FAM234A: variants seen among roughly 807,000 people sequenced by gnomAD.
FAM234A encodes family with sequence similarity 234 member A.
FAM234A carries 42 observed loss-of-function variants against 49.1 expected under a neutral mutation model. The ratio of observed to expected loss-of-function variants is 0.86; its 90% CI spans 0.67 to 1.11. The LOEUF is 1.11. Among genes scored for constraint, FAM234A ranks in the 50% least tolerant of loss-of-function variants. FAM234A has a pLI of 0.00. For missense variants in FAM234A, 815 were observed against 745.2 expected, an observed-to-expected ratio of 1.09 and a Z score of -1.09; for synonymous variants, 369 against 316.2, an observed-to-expected ratio of 1.17 and a Z score of -1.77.
At chr16:257,851 CT>C (rs962470096) in intron 3 of FAM234A, among the ~76,000 whole-genome samples, 15 of 148,116 alleles carry the variant, frequency 1.0e-4, no homozygotes, top group Admixed American at 1.4e-4. Flanking sequence ...CAACTTTATT[CT>C]TTTTTTTTTG....
At chr16:259,741 C>G in intron 4 of FAM234A, 142 bp downstream of exon 4, 1 of 739,224 alleles carries the variant, frequency 1.4e-6, no homozygotes, top group Non-Finnish European at 2.3e-6. Context: ...CCTGGCAGAC[C>G]AGAAAGAGGC....
downstream of FAM234A, among the ~76,000 whole-genome samples, chr16:267,136 T>A (rs142068820): frequency 5.5e-3 from 841 of 151,988 alleles, 8 homozygotes; most frequent in African/African-American, 0.019. Context: ...CCCTAGAGAG[T>A]CTGGGCCATG....
chr16:260,728 A>G (rs1312701408), intron 5 of FAM234A: 2 of 446,626 alleles, frequency 4.5e-6, no homozygotes, highest in African/African-American at 4.0e-5. Context: ...GAATGTTCAT[A>G]TTTCCCTTAC....
chr16:254,698 C>T lies in FAM234A; in HGVS notation c.268+17C>T, dbSNP rs2051161417. On this transcript the variant is annotated intron_variant, in intron 3 of 12. Coordinates refer to ENST00000399932, the MANE Select transcript of FAM234A (RefSeq NM_032039.4). ...GTGCCGCTGGTGAGCCTCGGCTTCCCCGCCCAGTGGGGTCCAAAGCAGCTC... is the reference window on the plus strand; with the variant it reads ...GTGCCGCTGGTGAGCCTCGGCTTCCTCGCCCAGTGGGGTCCAAAGCAGCTC... 2 of 1,611,896 alleles carry T rather than the reference C, an allele frequency of 1.2e-6. No individual in the cohort carries two copies. The highest frequency in any genetic ancestry group is 1.7e-6 in the Non-Finnish European group (2 of 1,179,324).
At chr16:256,133 A>G (rs1221547305) in intron 3 of FAM234A, among the ~76,000 whole-genome samples, 1 of 152,210 alleles carries the variant, frequency 6.6e-6, no homozygotes, top group Non-Finnish European at 1.5e-5. Context: ...GATGGCTCTC[A>G]GTTGAGACTC....
At chr16:268,155 T>TCA (rs142767416), downstream of FAM234A, 37,587 of 133,864 alleles carry the variant, frequency 0.28, 6,947 homozygotes, top group African/African-American at 0.58. Context: ...TATGCATGCC[T>TCA]CAGTACACCT....
At position 262,220 on chromosome 16, in the gene FAM234A, C is replaced by A. The variant is rs374725626; in HGVS notation, c.836C>A (p.Pro279His). 1 of 1,613,952 alleles carries A rather than the reference C, an allele frequency of 6.2e-7. No individual in the cohort carries two copies. The highest frequency in any genetic ancestry group is 2.2e-5 in the East Asian group (1 of 44,884). The change falls in exon 7 of 13, where the codon CCC becomes CAC. Residue 279 changes from proline to histidine, a missense_variant. Physicochemically the swap from Pro to His is moderately conservative, Grantham distance 77. Transcript: ENST00000399932. Reference protein sequence around the residue: ...TRTGAHYILFPCASSLCGCSV... With the variant: ...TRTGAHYILFHCASSLCGCSV... Reference sequence around the variant, plus strand: ...ACAGGTGCCCACTACATCCTCTTTCCCTGCGGTACGTTGTTTCTGCCACAT... The same window carrying A: ...ACAGGTGCCCACTACATCCTCTTTCACTGCGGTACGTTGTTTCTGCCACAT...
chr16:265,163 A>G lies in FAM234A; in HGVS notation c.*141A>G. The G allele has an allele frequency of 7.0e-7, 1 of 1,432,314 alleles. No homozygotes were observed. The highest frequency in any genetic ancestry group is 9.1e-7 in the Non-Finnish European group (1 of 1,096,750). 88.7% of individuals were successfully genotyped at this position (1,432,314 alleles called of 1,614,324 possible). A position where few individuals can be genotyped will look rare whatever the true frequency, so the allele number is the denominator to read the frequency against. The stretch of plus-strand genomic sequence containing the variant: ...GTCGCCACTGGGCAGCAGCAGCCTT[A>G]CCAGTCCTCCATGATCACACCCAGG... On this transcript the variant is annotated 3_prime_UTR_variant, in exon 13 of 13. Coordinates refer to ENST00000399932, the MANE Select transcript of FAM234A (RefSeq NM_032039.4).
chr16:265,067 C>A lies in FAM234A; in HGVS notation c.*45C>A. ...TGTGGAGAGACTCCGCCTGCTGACA[C>A]TAAACGTCCTGGGAAGTGGGCCCTT... is the stretch of plus-strand genomic sequence containing the variant. On this transcript the variant is annotated 3_prime_UTR_variant, in exon 13 of 13. Coordinates refer to ENST00000399932, the MANE Select transcript of FAM234A (RefSeq NM_032039.4). 6.5e-7 allele frequency: 1 copy of A among 1,549,400 alleles called. No homozygotes were observed. Among genetic ancestry groups the A allele is most frequent in the Admixed American group, 1.8e-5 (1 of 56,060 alleles).
chr16:251,464 C>G (rs1044288020), intron 2 of FAM234A, among the ~76,000 whole-genome samples: 7 of 151,838 alleles, frequency 4.6e-5, no homozygotes, highest in South Asian at 2.1e-4. Context: ...AGCCTCCACC[C>G]CCCTGGGCTC....
chr16:262,872 T>G (rs1441530369), intron 8 of FAM234A, among the ~76,000 whole-genome samples: 23 of 147,552 alleles, frequency 1.6e-4, no homozygotes, highest in African/African-American at 2.5e-5. Flanking sequence ...CAGGCTGGAG[T>G]GCAGTGGTGC....
chr16:266,175 C>A, downstream of FAM234A: 1 of 879,138 alleles, frequency 1.1e-6, no homozygotes, highest in Non-Finnish European at 1.4e-6. Context: ...TGGATTTGTT[C>A]CTGGAGGAGT....
chr16:259,721 C>T (rs56337617), intron 4 of FAM234A, 122 bp downstream of exon 4: 132,827 of 757,024 alleles, frequency 0.18, 12,937 homozygotes, highest in East Asian at 0.3. Flanking sequence ...GAACCCATCT[C>T]GTCATCCTTC....
At chr16:239,699 T>C (rs554764538) in intron 1 of FAM234A, among the ~76,000 whole-genome samples, 20 of 152,012 alleles carry the variant, frequency 1.3e-4, no homozygotes, top group African/African-American at 4.3e-4. Flanking sequence ...GCTTACTCCA[T>C]GGTATTTTCT....
At chr16:267,931 C>T (rs994669298), downstream of FAM234A, among the ~76,000 whole-genome samples, 7 of 151,172 alleles carry the variant, frequency 4.6e-5, no homozygotes, top group Non-Finnish European at 1.0e-4. Flanking sequence ...TGCACACGTG[C>T]ACTACACACA....
chr16:258,609 C>A lies in FAM234A; in HGVS notation c.269-874C>A, dbSNP rs570122136. 2.0e-5 allele frequency among the ~76,000 whole-genome samples: 3 copies of A among 152,348 alleles called. No homozygotes were observed. The East Asian group carries it at 5.8e-4, about 29-fold the overall frequency. ...TTCTCAATCTTTTCCCCACCTTTCT[C>A]CCCTTTCTATTCCACAAAACCGCCA... On this transcript the variant is annotated intron_variant, in intron 3 of 12. Coordinates refer to ENST00000399932, the MANE Select transcript of FAM234A (RefSeq NM_032039.4).
rs559036158 is a variant in FAM234A at position 262,502 on chromosome 16, C to T, written c.920C>T (p.Pro307Leu). 4.3e-6 allele frequency: 7 copies of T among 1,612,496 alleles called. No individual in the cohort carries two copies. In the East Asian group the frequency reaches 6.7e-5, roughly 15 times the overall value. ...AGCGGCGGCCCGTTCAAGAGTGACC[C>T]GCACTGGGAGAGCATGCTCAATGCC... ...TGSGGPFKSD[P>L]HWESMLNATT... is the part of the protein sequence containing the mutation. The change falls in exon 8 of 13, where the codon CCG becomes CTG. Residue 307 changes from proline (P) to leucine (L), a missense_variant. Transcript: ENST00000399932.
chr16:251,519 C>T (rs1360003541), intron 2 of FAM234A, among the ~76,000 whole-genome samples: 4 of 151,660 alleles, frequency 2.6e-5, no homozygotes, highest in Non-Finnish European at 5.9e-5. Flanking sequence ...AGACCACGGG[C>T]GAGCGCCGCC....
Position 254,849 on chromosome 16 carries a change from C to T in FAM234A, c.268+168C>T, listed in dbSNP as rs549059409. On this transcript the variant is annotated intron_variant, in intron 3 of 12. Coordinates refer to ENST00000399932, the MANE Select transcript of FAM234A (RefSeq NM_032039.4). ...AAGGTTTTCCCGGAGTTTTAGGGAG[C>T]GATAGACCAGCCTTTTTATTTTTGA... Among the ~76,000 whole-genome samples, 237 of 152,282 alleles carry T rather than the reference C, an allele frequency of 1.6e-3. 1 individual carries two copies. The highest frequency in any genetic ancestry group is 3.4e-3 in the Middle Eastern group (1 of 294).
Sources: gnomAD v4.1 joint callset for allele counts (sites outside exome capture counted in the v4.1 genomes callset) on GRCh38, gnomAD v4.1.1 for gene constraint, MANE v1.5 for transcripts, NCBI Gene and HGNC (gene_info 2026-07-23, HGNC 2026-07-21) for gene names.